Variants in MYO6 observed in about 807,000 individuals in gnomAD.
The protein encoded by MYO6 is myosin VI, also known as unconventional myosin-VI.
A neutral mutation model predicts 178.7 loss-of-function variants in MYO6; 74 were observed. The observed-to-expected ratio is 0.41, with a 90% CI of 0.34 to 0.50. The LOEUF (loss-of-function observed/expected upper bound fraction) is 0.50. MYO6 is among the 20% of genes least tolerant of loss of function. The pLI, the probability that MYO6 is intolerant of heterozygous loss-of-function variation, is 0.09. For synonymous variants in MYO6, 477 were observed against 504.6 expected (o/e 0.95, Z 0.73); for missense variants, 1,330 against 1,547.4 (o/e 0.86, Z 2.36).
At chr6:75,801,769 C>T (rs1002469798) in intron 1 of MYO6, among the ~76,000 whole-genome samples, 31 of 151,424 alleles carry the variant, frequency 2.0e-4, no homozygotes, top group African/African-American at 6.8e-4. Flanking sequence ...GGTGAAACCC[C>T]GTCTCTACTA....
At chr6:75,820,393 G>C (rs1771749492) in intron 2 of MYO6, among the ~76,000 whole-genome samples, 1 of 152,066 alleles carries the variant, frequency 6.6e-6, no homozygotes, top group Non-Finnish European at 1.5e-5. Flanking sequence ...TTTTGAGTTG[G>C]AGTTTTGCTA....
rs3831003 is a variant in MYO6 at position 75,861,098 on chromosome 6, ATG to A, written c.1546+7_1546+8del. 16,239 of 1,604,278 alleles carry A rather than the reference ATG, an allele frequency of 0.01. 746 individuals carry two copies. The East Asian group carries it at 0.15, about 15-fold the overall frequency. On this transcript the variant is annotated splice_donor_5th_base_variant and intron_variant, in intron 15 of 34. Coordinates refer to ENST00000369977, the MANE Select transcript of MYO6 (RefSeq NM_004999.4). Reference sequence around the variant, plus strand: ...TGTGGATAATCAGGACTGTATAGGTATGTGTTTTTTAACTCCACCTTTGAAAA... The same window carrying A: ...TGTGGATAATCAGGACTGTATAGGTATGTTTTTTAACTCCACCTTTGAAAA...
chr6:75,870,649 A>G lies in MYO6; in HGVS notation c.1947A>G (p.Thr649=). The part of the protein sequence containing the change: ...SFISVGNKFK[T]QLNLLLDKLR... ...AACTGATTTCCTTTCTTTCACAGAC[A>G]CAGTTAAATTTGCTTCTGGATAAAC... Residue 649 remains threonine, a splice_region_variant and synonymous_variant, in exon 19 of 35, where the codon ACA becomes ACG. Coordinates refer to ENST00000369977, the MANE Select transcript of MYO6 (RefSeq NM_004999.4). 1.2e-6 allele frequency: 2 copies of G among 1,612,182 alleles called. No homozygotes were observed. Among genetic ancestry groups the G allele is most frequent in the Non-Finnish European group, 1.7e-6 (2 of 1,178,906 alleles).
At chr6:75,801,323 G>A (rs1769428032) in intron 1 of MYO6, among the ~76,000 whole-genome samples, 2 of 151,992 alleles carry the variant, frequency 1.3e-5, no homozygotes, top group African/African-American at 4.8e-5. Context: ...GGGAAAGAGA[G>A]GGACGAGAGG....
intron 1 of MYO6, among the ~76,000 whole-genome samples, chr6:75,752,059 C>T (rs1288146133): frequency 3.3e-5 from 5 of 150,062 alleles, no homozygotes; most frequent in African/African-American, 1.2e-4. Context: ...GTGGCACGAT[C>T]TTGGGTCACT....
At chr6:75,795,125 C>A (rs1768670277) in intron 1 of MYO6, among the ~76,000 whole-genome samples, 1 of 152,166 alleles carries the variant, frequency 6.6e-6, no homozygotes, top group Non-Finnish European at 1.5e-5. Flanking sequence ...ATTTATCTGA[C>A]CTTAATGCCT....
At chr6:75,895,293 G>A in intron 29 of MYO6, 33 bp downstream of exon 29, 1 of 1,559,054 alleles carries the variant, frequency 6.4e-7, no homozygotes, top group Non-Finnish European at 8.8e-7. Context: ...TTTAAAAATA[G>A]GTTGTAGATA....
intron 1 of MYO6, among the ~76,000 whole-genome samples, chr6:75,779,801 G>A (rs1766775590): frequency 6.6e-6 from 1 of 152,166 alleles, no homozygotes; most frequent in African/African-American, 2.4e-5. Flanking sequence ...TTAGTTTACA[G>A]TGCTAAATGA....
At chr6:75,887,160 A>G (rs1211126066) in intron 25 of MYO6, among the ~76,000 whole-genome samples, 166 bp downstream of exon 25, 1 of 152,174 alleles carries the variant, frequency 6.6e-6, no homozygotes, top group East Asian at 1.9e-4. Flanking sequence ...TCTACTCTTT[A>G]TGTTTGAAAA....
intron 1 of MYO6, among the ~76,000 whole-genome samples, chr6:75,756,228 C>CAATAAAAA (rs1777335320): frequency 6.8e-6 from 1 of 146,090 alleles, no homozygotes; most frequent in African/African-American, 2.6e-5. Flanking sequence ...GATTCTGTCT[C>CAATAAAAA]AAAAAAAAAA....
At chr6:75,785,694 A>G (rs965403725) in intron 1 of MYO6, among the ~76,000 whole-genome samples, 2 of 151,346 alleles carry the variant, frequency 1.3e-5, no homozygotes, top group Admixed American at 6.6e-5. Context: ...ACAAACTTAT[A>G]GAAGCTTTAT....
intron 30 of MYO6, among the ~76,000 whole-genome samples, chr6:75,905,231 T>C (rs1185693885): frequency 6.6e-6 from 1 of 152,202 alleles, no homozygotes; most frequent in Non-Finnish European, 1.5e-5. Flanking sequence ...AGGCAGGCCT[T>C]CTTGAGCTGT....
intron 1 of MYO6, among the ~76,000 whole-genome samples, chr6:75,775,970 T>C (rs1766348334): frequency 6.6e-6 from 1 of 152,204 alleles, no homozygotes; most frequent in African/African-American, 2.4e-5. Context: ...TAAGATTTTA[T>C]CCTACTCATC....
intron 2 of MYO6, 113 bp downstream of exon 2, chr6:75,817,777 C>CT: frequency 1.1e-6 from 1 of 944,306 alleles, no homozygotes; most frequent in Non-Finnish European, 1.7e-6. Flanking sequence ...AAGCATATTT[C>CT]TGGTAAGTGA....
chr6:75,846,266 A>G (rs1774722122), intron 10 of MYO6, among the ~76,000 whole-genome samples: 1 of 151,988 alleles, frequency 6.6e-6, no homozygotes, highest in Non-Finnish European at 1.5e-5. Context: ...TTAATGATAG[A>G]TACTGGTTAA....
intron 7 of MYO6, among the ~76,000 whole-genome samples, chr6:75,837,732 T>G (rs959024016): frequency 3.9e-5 from 6 of 152,234 alleles, no homozygotes; most frequent in Non-Finnish European, 7.3e-5. Flanking sequence ...AAGAATTTCC[T>G]AGTTTCATTT....
chr6:75,862,805 GATA>G, intron 16 of MYO6, 82 bp downstream of exon 16: 5 of 1,498,876 alleles, frequency 3.3e-6, no homozygotes, highest in Non-Finnish European at 4.6e-6. Context: ...GATATTACTA[GATA>G]ATTAGAATAA....
intron 3 of MYO6, among the ~76,000 whole-genome samples, chr6:75,828,252 CT>C (rs1772680809): frequency 6.6e-6 from 1 of 152,114 alleles, no homozygotes; most frequent in African/African-American, 2.4e-5. Flanking sequence ...TTTTTTCCCT[CT>C]TGAATTGTGC....
intron 1 of MYO6, among the ~76,000 whole-genome samples, chr6:75,771,047 G>A (rs1765841300): frequency 6.7e-6 from 1 of 149,118 alleles, no homozygotes; most frequent in Non-Finnish European, 1.5e-5. Context: ...TTGTTGCTTA[G>A]GCTGGAGTGC....
Sources: gnomAD v4.1 joint callset for allele counts (sites outside exome capture counted in the v4.1 genomes callset) on GRCh38, gnomAD v4.1.1 for gene constraint, MANE v1.5 for transcripts, NCBI Gene and HGNC (gene_info 2026-07-23, HGNC 2026-07-21) for gene names.